FHAD1: variants seen among roughly 807,000 people sequenced by gnomAD.
FHAD1 encodes the protein forkhead-associated domain-containing protein 1.
FHAD1 carries 146 observed loss-of-function variants against 191.3 expected under a neutral mutation model. The observed-to-expected ratio is 0.76, with a 90% CI of 0.67 to 0.88. FHAD1 has a LOEUF of 0.88. Ranked by LOEUF, FHAD1 falls within the 40% of genes least tolerant of loss-of-function variation. The probability of loss-of-function intolerance (pLI) is 0.00; values close to 1 mark genes in which losing one functional copy is unlikely to be tolerated. For missense variants in FHAD1, 1,635 were observed against 1,785.8 expected, an observed-to-expected ratio of 0.92 and a Z score of 1.52; for synonymous variants, 616 against 672.3, an observed-to-expected ratio of 0.92 and a Z score of 1.29.
Position 15,360,466 on chromosome 1 carries a change from T to G in FHAD1, c.2737-12T>G, listed in dbSNP as rs1389808716. 1 of 1,549,962 alleles carries G rather than the reference T, an allele frequency of 6.5e-7. No homozygotes were observed. The highest frequency in any genetic ancestry group is 2.4e-5 in the East Asian group (1 of 40,922). On this transcript the variant is annotated splice_polypyrimidine_tract_variant and intron_variant, in intron 21 of 33. Transcript: ENST00000688493. ...CTCCCAAGACCTCACTGAGTGACTC[T>G]CTGTTTCCCAGATCATGGTGGAAGA...
chr1:15,398,818 G>T (rs1706749502), downstream of FHAD1, among the ~76,000 whole-genome samples: 3 of 149,474 alleles, frequency 2.0e-5, no homozygotes, highest in South Asian at 6.3e-4. Context: ...CAGAAATCAT[G>T]AATACTTTTT....
chr1:15,321,333 G>A (rs1419930634), intron 10 of FHAD1, among the ~76,000 whole-genome samples: 3 of 152,076 alleles, frequency 2.0e-5, no homozygotes, highest in Non-Finnish European at 2.9e-5. Flanking sequence ...GCACGCATTC[G>A]TGACTTATCA....
intron 6 of FHAD1, among the ~76,000 whole-genome samples, chr1:15,302,391 C>T (rs1216119178): frequency 1.3e-5 from 2 of 152,134 alleles, no homozygotes; most frequent in African/African-American, 4.8e-5. Flanking sequence ...GTACGTTTCT[C>T]TTGAAACTTG....
chr1:15,334,860 G>A, intron 14 of FHAD1, among the ~76,000 whole-genome samples: 1 of 152,134 alleles, frequency 6.6e-6, no homozygotes, highest in Non-Finnish European at 1.5e-5. Context: ...GCCCTCAGTT[G>A]GGTTGAAGCC....
intron 22 of FHAD1, among the ~76,000 whole-genome samples, chr1:15,361,607 A>G (rs1694837519): frequency 6.6e-6 from 1 of 152,118 alleles, no homozygotes; most frequent in Non-Finnish European, 1.5e-5. Context: ...TAGTAACAAA[A>G]TTATTGCCCT....
chr1:15,261,815 C>T (rs757042620), intron 2 of FHAD1, among the ~76,000 whole-genome samples: 6 of 152,254 alleles, frequency 3.9e-5, no homozygotes, highest in East Asian at 1.9e-4. Context: ...ACAGTGGGGG[C>T]GCAGGATGGC....
chr1:15,296,495 C>T (rs914564340), intron 4 of FHAD1, 189 bp from the exon 5 acceptor site: 8 of 589,094 alleles, frequency 1.4e-5, no homozygotes, highest in Admixed American at 4.4e-5. Flanking sequence ...CTGCATGATC[C>T]GCCTGCCTTG....
At chr1:15,255,298 C>T (rs139739665) in intron 2 of FHAD1, among the ~76,000 whole-genome samples, 225 of 152,262 alleles carry the variant, frequency 1.5e-3, no homozygotes, top group Non-Finnish European at 2.9e-3. Flanking sequence ...ACATCATTCA[C>T]ATATTCTGAT....
chr1:15,345,673 G>T, intron 18 of FHAD1, 150 bp downstream of exon 18: 2 of 658,604 alleles, frequency 3.0e-6, no homozygotes, highest in Non-Finnish European at 5.4e-6. Context: ...TTTGGGAAGC[G>T]TGGGAGACTC....
chr1:15,383,924 G>A, intron 31 of FHAD1: 1 of 420,216 alleles, frequency 2.4e-6, no homozygotes, highest in Non-Finnish European at 4.8e-6. Context: ...TGTCTGCAGG[G>A]TTGGCCGTGA....
At position 15,311,227 on chromosome 1, in the gene FHAD1, C is replaced by A. The variant is rs1298277167; in HGVS notation, c.1040-1830C>A. Among the ~76,000 whole-genome samples, 2 of 152,162 alleles carry A rather than the reference C, an allele frequency of 1.3e-5. No individual in the cohort carries two copies. The highest frequency in any genetic ancestry group is 3.9e-4 in the East Asian group (2 of 5,170). ...AGCACAGCTTGAGTTTGCTGGGTGG[C>A]GTGCCAGGCGGGAGGGGGCTGCACG... On this transcript the variant is annotated intron_variant, in intron 7 of 33. Coordinates refer to ENST00000688493, the MANE Select transcript of FHAD1 (RefSeq NM_001391957.1). The surrounding 1 kb of genome is among the most constrained non-coding windows in gnomAD (Gnocchi z 4.1).
chr1:15,313,275 T>C, intron 8 of FHAD1, 88 bp downstream of exon 8: 2 of 1,161,094 alleles, frequency 1.7e-6, no homozygotes, highest in Admixed American at 3.6e-5. Flanking sequence ...TCATTCACCC[T>C]GGGCCCTTAG....
rs1163529267 is a variant in FHAD1 at position 15,329,549 on chromosome 1, G to T, written c.1906+8G>T. 3 of 1,549,438 alleles carry T rather than the reference G, an allele frequency of 1.9e-6. No individual in the cohort carries two copies. Among genetic ancestry groups the T allele is most frequent in the Admixed American group, 2.0e-5 (1 of 50,952 alleles). On this transcript the variant is annotated splice_region_variant and intron_variant, in intron 14 of 33. Transcript: ENST00000688493. This position sits in a 1 kb window ranked among gnomAD's most constrained non-coding sequence, Gnocchi z 5.0. Reference sequence around the variant, plus strand: ...CCTCCAGCCCCAACAAAGGTTACTGGGACTTTTTTTCTCACATGGTTGCAT... The same window carrying T: ...CCTCCAGCCCCAACAAAGGTTACTGTGACTTTTTTTCTCACATGGTTGCAT...
intron 2 of FHAD1, among the ~76,000 whole-genome samples, chr1:15,260,723 G>T (rs1434451813): frequency 6.6e-6 from 1 of 152,216 alleles, no homozygotes; most frequent in African/African-American, 2.4e-5. Flanking sequence ...TCATGCTTCA[G>T]ATTTCTCTGA....
intron 2 of FHAD1, among the ~76,000 whole-genome samples, chr1:15,262,948 C>T (rs1034710183): frequency 6.6e-6 from 1 of 152,206 alleles, no homozygotes; most frequent in Non-Finnish European, 1.5e-5. Flanking sequence ...TTTAACATCT[C>T]CACGTCCTCG....
At chr1:15,240,471 A>G (rs1180243450) in intron 1 of FHAD1, among the ~76,000 whole-genome samples, 1 of 152,026 alleles carries the variant, frequency 6.6e-6, no homozygotes, top group African/African-American at 2.4e-5. Flanking sequence ...TCTATTAAAA[A>G]TAAAAATTAA....
chr1:15,299,636 A>G (rs1323679736), intron 5 of FHAD1, among the ~76,000 whole-genome samples: 2 of 152,198 alleles, frequency 1.3e-5, no homozygotes, highest in African/African-American at 4.8e-5. Context: ...TGCTCCCTCA[A>G]GGAAGTCACA....
chr1:15,370,903 G>A (rs1487070237), intron 26 of FHAD1, among the ~76,000 whole-genome samples: 7 of 152,100 alleles, frequency 4.6e-5, no homozygotes, highest in Non-Finnish European at 1.0e-4. Flanking sequence ...CTTGCTTTCC[G>A]GCTCTCTCAG....
intron 1 of FHAD1, among the ~76,000 whole-genome samples, chr1:15,248,117 T>C (rs1226135901): frequency 1.3e-5 from 2 of 152,108 alleles, no homozygotes; most frequent in Non-Finnish European, 1.5e-5. Flanking sequence ...AGGTAGTTAC[T>C]GTCAGAGGTT....
Sources: allele counts gnomAD v4.1 joint callset (sites outside exome capture counted in the v4.1 genomes callset), GRCh38; gene constraint gnomAD v4.1.1; non-coding constraint Gnocchi (gnomAD v3.1); transcripts MANE v1.5; gene names NCBI Gene and HGNC (gene_info 2026-07-23, HGNC 2026-07-21).